BRD10: variants seen among roughly 807,000 people sequenced by gnomAD.
BRD10 encodes the protein bromodomain containing 10, also known as uncharacterized bromodomain-containing protein 10.
At chr9:5,921,147 G>A in the BRD10 span, 1 of 1,613,838 alleles carries the variant, frequency 6.2e-7, no homozygotes, top group Non-Finnish European at 8.5e-7. Flanking sequence ...GTTGACAATG[G>A]CAAAATATAG....
At chr9:5,928,672 G>T in the BRD10 span, among the ~76,000 whole-genome samples, 1 of 151,978 alleles carries the variant, frequency 6.6e-6, no homozygotes, top group African/African-American at 2.4e-5. Context: ...TTTCTTTAAG[G>T]TCTCTGTTCA....
chr9:5,975,361 C>G, the BRD10 span, among the ~76,000 whole-genome samples: 8 of 141,560 alleles, frequency 5.7e-5, no homozygotes, highest in East Asian at 1.2e-3. Flanking sequence ...ATCGCTTGAA[C>G]CTGGGAAGTG....
chr9:5,941,036 T>C, the BRD10 span, among the ~76,000 whole-genome samples: 7 of 152,106 alleles, frequency 4.6e-5, no homozygotes, highest in South Asian at 6.2e-4. Context: ...CTTTCCTTAA[T>C]TGAAAAAGAC....
the BRD10 span, chr9:5,881,780 C>T: frequency 4.6e-5 from 7 of 152,180 alleles, no homozygotes; most frequent in Admixed American, 2.6e-4. Flanking sequence ...GACAATTGTT[C>T]TTAGTGTTGA....
At chr9:5,987,166 C>T in the BRD10 span, among the ~76,000 whole-genome samples, 129 of 152,184 alleles carry the variant, frequency 8.5e-4, no homozygotes, top group African/African-American at 3.0e-3. Context: ...TAAACATTAG[C>T]CATTCTTTTT....
At chr9:5,988,305 T>G in the BRD10 span, 1 of 1,504,952 alleles carries the variant, frequency 6.6e-7, no homozygotes, top group Non-Finnish European at 9.2e-7. Context: ...CACATAAAAA[T>G]TATGCAGCTG....
chr9:5,938,995 G>T, the BRD10 span, among the ~76,000 whole-genome samples: 2 of 151,920 alleles, frequency 1.3e-5, no homozygotes, highest in African/African-American at 4.8e-5. Flanking sequence ...CTAAACAGCT[G>T]GCTATAAAAT....
At chr9:5,879,223 G>A in the BRD10 span, among the ~76,000 whole-genome samples, 1 of 152,134 alleles carries the variant, frequency 6.6e-6, no homozygotes, top group Non-Finnish European at 1.5e-5. Context: ...AGCACTTTAG[G>A]AGGCTGAGGT....
chr9:6,005,050 AT>A, the BRD10 span, among the ~76,000 whole-genome samples: 617 of 152,348 alleles, frequency 4.0e-3, 2 homozygotes, highest in African/African-American at 0.014. Context: ...GAAATACATT[AT>A]TTTTATAAAC....
chr9:5,919,567 C>CAA, the BRD10 span: 1 of 825,782 alleles, frequency 1.2e-6, no homozygotes, highest in African/African-American at 1.7e-5. Flanking sequence ...CACACACACA[C>CAA]ACACACACAC....
At chr9:5,968,947 C>A in the BRD10 span, 1 of 1,611,600 alleles carries the variant, frequency 6.2e-7, no homozygotes, top group Non-Finnish European at 8.5e-7. Flanking sequence ...CCTTAAGTAG[C>A]CACACTTTTT....
chr9:5,961,879 T>G, the BRD10 span, among the ~76,000 whole-genome samples: 3 of 152,208 alleles, frequency 2.0e-5, no homozygotes, highest in Non-Finnish European at 4.4e-5. Flanking sequence ...TGCCTTCTAC[T>G]AAAAATCACC....
chr9:5,971,121 T>G, the BRD10 span, among the ~76,000 whole-genome samples: 3 of 143,228 alleles, frequency 2.1e-5, no homozygotes, highest in Non-Finnish European at 4.6e-5. Context: ...TCTTTAAAGA[T>G]GTGAACAACA....
At chr9:5,889,721 G>T in the BRD10 span, among the ~76,000 whole-genome samples, 2 of 152,078 alleles carry the variant, frequency 1.3e-5, no homozygotes, top group East Asian at 3.9e-4. Flanking sequence ...GGAGGCAGAG[G>T]TTGTAGTGAG....
At chr9:5,955,201 A>T in the BRD10 span, among the ~76,000 whole-genome samples, 1 of 152,280 alleles carries the variant, frequency 6.6e-6, no homozygotes, top group South Asian at 2.1e-4. Context: ...TACTCAACAA[A>T]TACTAGATAC....
the BRD10 span, among the ~76,000 whole-genome samples, chr9:5,913,125 G>C: frequency 6.6e-6 from 1 of 152,278 alleles, no homozygotes; most frequent in Admixed American, 6.5e-5. Flanking sequence ...GAGGGAACAA[G>C]AGCTAGCCAA....
chr9:6,002,658 A>G, the BRD10 span, among the ~76,000 whole-genome samples: 19 of 151,868 alleles, frequency 1.3e-4, no homozygotes, highest in Admixed American at 1.2e-3. Flanking sequence ...TCTATTTTCA[A>G]ATTTTTGAGC....
the BRD10 span, among the ~76,000 whole-genome samples, chr9:5,878,963 T>C: frequency 6.6e-6 from 1 of 152,198 alleles, no homozygotes; most frequent in African/African-American, 2.4e-5. Context: ...GGCAGAGAGA[T>C]GGTTGATGCC....
the BRD10 span, among the ~76,000 whole-genome samples, chr9:5,995,551 C>T: frequency 1.3e-5 from 2 of 152,204 alleles, no homozygotes; most frequent in Admixed American, 1.3e-4. Flanking sequence ...ATTCATCTTT[C>T]ATTCACATCT....
Sources: allele counts gnomAD v4.1 joint callset (sites outside exome capture counted in the v4.1 genomes callset), GRCh38; gene constraint gnomAD v4.1.1; transcripts MANE v1.5; gene names NCBI Gene and HGNC (gene_info 2026-07-23, HGNC 2026-07-21).